CCDC57: variants seen among roughly 807,000 people sequenced by gnomAD.
CCDC57 encodes coiled-coil domain-containing protein 57.
CCDC57 carries 118 observed loss-of-function variants against 118.9 expected under a neutral mutation model. The observed-to-expected ratio is 0.99, with a 90% confidence interval of 0.86 to 1.16. The LOEUF (loss-of-function observed/expected upper bound fraction) is 1.16. CCDC57 is among the 50% of genes most tolerant of loss of function. The probability of loss-of-function intolerance (pLI) is 0.00; values close to 1 mark genes in which losing one functional copy is unlikely to be tolerated. For missense variants in CCDC57, 1,300 were observed against 1,320.7 expected (o/e 0.98, Z 0.24); for synonymous variants, 527 against 532.9 (o/e 0.99, Z 0.15).
At chr17:82,131,619 G>C (rs2038377225) in intron 17 of CCDC57, among the ~76,000 whole-genome samples, 1 of 152,076 alleles carries the variant, frequency 6.6e-6, no homozygotes, top group Admixed American at 6.6e-5. Context: ...AGGCGTGGTG[G>C]TGCATGCCTG....
In CCDC57 at chr17:82,103,129, C is replaced by T. The variant is rs184212950; in HGVS notation, c.2900-1263G>A. Among the ~76,000 whole-genome samples the T allele has an allele frequency of 1.5e-3, 233 of 152,304 alleles. 1 individual carries two copies. The highest frequency in any genetic ancestry group is 2.3e-3 in the East Asian group (12 of 5,176). On this transcript the variant is annotated intron_variant, in intron 19 of 19. Coordinates refer to ENST00000665763, the Ensembl canonical transcript of CCDC57. The stretch of plus-strand genomic sequence containing the variant: ...GGAAGCGTCTGTGCTTTGGGGACAC[C>T]GGCAATGACGCACTCTCAGCTGGGC...
chr17:82,137,017 T>TTC (rs1440731358), intron 16 of CCDC57, among the ~76,000 whole-genome samples: 1 of 135,674 alleles, frequency 7.4e-6, no homozygotes, highest in Non-Finnish European at 1.6e-5. Flanking sequence ...GTACTACTTT[T>TTC]TTTTTTTTTT....
intron 3 of CCDC57, among the ~76,000 whole-genome samples, chr17:82,199,861 C>T (rs1268385631): frequency 2.0e-5 from 3 of 152,174 alleles, no homozygotes; most frequent in African/African-American, 7.2e-5. Context: ...GTGTCTACCA[C>T]ATTAGCAAGC....
intron 16 of CCDC57, among the ~76,000 whole-genome samples, chr17:82,136,728 G>C (rs2039242624): frequency 6.6e-6 from 1 of 151,900 alleles, no homozygotes; most frequent in African/African-American, 2.4e-5. Flanking sequence ...CTCCCAAGTA[G>C]CTGGGACCAC....
chr17:82,115,947 G>C (rs1335736760), intron 19 of CCDC57, among the ~76,000 whole-genome samples: 1 of 151,156 alleles, frequency 6.6e-6, no homozygotes, highest in East Asian at 2.0e-4. Flanking sequence ...ACAGGTGCCT[G>C]CAACCGTGCC....
At chr17:82,137,678 CTTT>C (rs199677583) in intron 16 of CCDC57, among the ~76,000 whole-genome samples, 1 of 133,424 alleles carries the variant, frequency 7.5e-6, no homozygotes, top group Admixed American at 7.4e-5. Flanking sequence ...GGAGACTTTT[CTTT>C]TTTTTTTTTT....
chr17:82,173,698 C>A (rs1235253835), intron 11 of CCDC57, among the ~76,000 whole-genome samples: 1 of 152,158 alleles, frequency 6.6e-6, no homozygotes, highest in Non-Finnish European at 1.5e-5. Flanking sequence ...AAATCAGCAA[C>A]AAAATGGAAA....
At position 82,207,752 on chromosome 17, in the gene CCDC57, G is replaced by A. The variant is rs1158047353; in HGVS notation, c.-9+95C>T. ...TTACTCTTTCTCTATCCTAATTCCC[G>A]TCTTGGTGAATCGGCTCTGCCTGGG... is the stretch of plus-strand genomic sequence containing the variant. On this transcript the variant is annotated intron_variant, in intron 2 of 19. Transcript: ENST00000665763. 5.9e-5 allele frequency: 9 copies of A among 152,218 alleles called. No homozygotes were observed. In the East Asian group the frequency reaches 7.7e-4, roughly 13 times the overall value. 9.4% of individuals were successfully genotyped at this position (152,218 alleles called of 1,614,324 possible). A position where few individuals can be genotyped will look rare whatever the true frequency, so the allele number is the denominator to read the frequency against.
intron 2 of CCDC57, among the ~76,000 whole-genome samples, chr17:82,204,732 G>A (rs945500566): frequency 6.6e-6 from 1 of 152,088 alleles, no homozygotes; most frequent in African/African-American, 2.4e-5. Flanking sequence ...GCAGTGAGCT[G>A]AGATCGCACC....
rs2042003240 is a variant in CCDC57, at chr17:82,151,235, A to AAC, written c.2455+324_2455+325insGT. Among the ~76,000 whole-genome samples the AAC allele has an allele frequency of 8.2e-5, 5 of 60,870 alleles. 1 individual carries two copies. The highest frequency in any genetic ancestry group is 1.5e-4 in the Non-Finnish European group (5 of 32,406). 39.9% of individuals were successfully genotyped at this position (60,870 alleles called of 152,430 possible). ...ACCTGACCCACACCCAGAACCTGGC[A>AAC]CACACCCAGAACCTGGCACACACCC... is the stretch of plus-strand genomic sequence containing the variant. On this transcript the variant is annotated intron_variant, in intron 16 of 19. Transcript: ENST00000665763.
intron 19 of CCDC57, among the ~76,000 whole-genome samples, chr17:82,117,388 T>C (rs1329699498): frequency 6.6e-6 from 1 of 151,378 alleles, no homozygotes; most frequent in African/African-American, 2.4e-5. Flanking sequence ...ATGCCTGTAA[T>C]CCAGCACTTT....
intron 16 of CCDC57, among the ~76,000 whole-genome samples, chr17:82,138,272 C>G (rs2039520948): frequency 6.6e-6 from 1 of 151,476 alleles, no homozygotes; most frequent in African/African-American, 2.4e-5. Context: ...CCTCAGCCTC[C>G]CGAGTAGCTG....
intron 19 of CCDC57, 93 bp from the exon 19 acceptor site, chr17:82,101,959 G>C: frequency 7.9e-7 from 1 of 1,260,436 alleles, no homozygotes; most frequent in East Asian, 2.7e-5. Flanking sequence ...CAGCACTTCC[G>C]TGTTCCCGGC....
At chr17:82,204,065 G>A (rs1036271937) in intron 2 of CCDC57, among the ~76,000 whole-genome samples, 2 of 152,146 alleles carry the variant, frequency 1.3e-5, no homozygotes, top group Admixed American at 6.5e-5. Context: ...GGGCACACCC[G>A]CTGGGGGCAC....
intron 17 of CCDC57, among the ~76,000 whole-genome samples, chr17:82,130,499 CTTTTTTTT>C (rs35413191): frequency 1.1e-5 from 1 of 88,946 alleles, no homozygotes. Context: ...CCAGACAAAA[CTTTTTTTT>C]TTTTTTTTTT....
chr17:82,107,635 A>T (rs1464010773), intron 19 of CCDC57: 1 of 469,012 alleles, frequency 2.1e-6, no homozygotes, highest in Non-Finnish European at 4.4e-6. Context: ...TTGTGACAGG[A>T]GAAGGAGGGC....
chr17:82,211,794 C>T (rs1192504324), intron 1 of CCDC57, among the ~76,000 whole-genome samples: 3 of 152,104 alleles, frequency 2.0e-5, no homozygotes, highest in African/African-American at 4.8e-5. Context: ...TCCAGGAATG[C>T]GCTTACTGAT....
intron 16 of CCDC57, chr17:82,145,741 C>A: frequency 2.4e-6 from 1 of 419,360 alleles, no homozygotes; most frequent in Non-Finnish European, 4.9e-6. Context: ...CTCCTGCTTC[C>A]CCCTGCAGGC....
chr17:82,136,612 T>A (rs1393245492), intron 16 of CCDC57, among the ~76,000 whole-genome samples: 1 of 151,986 alleles, frequency 6.6e-6, no homozygotes, highest in African/African-American at 2.4e-5. Flanking sequence ...AAACTAGTTT[T>A]TTTGAGACAG....
Sources: gnomAD v4.1 joint callset for allele counts (sites outside exome capture counted in the v4.1 genomes callset) on GRCh38, gnomAD v4.1.1 for gene constraint, MANE v1.5 for transcripts, NCBI Gene and HGNC (gene_info 2026-07-23, HGNC 2026-07-21) for gene names.